UGT2A1: variants seen among roughly 807,000 people sequenced by gnomAD.
The protein encoded by UGT2A1 is UDP-glucuronosyltransferase 2A1.
In UGT2A1, 61 loss-of-function variants were observed where a neutral mutation model predicts 45.4. The observed-to-expected ratio is 1.34, with a 90% CI of 1.09 to 1.66. The LOEUF is 1.66. Among genes scored for constraint, UGT2A1 ranks in the 40% most tolerant of loss-of-function variants. UGT2A1 has a pLI of 0.00. For missense variants in UGT2A1, 649 were observed against 574.3 expected (o/e 1.13, Z -1.33); for synonymous variants, 229 against 196.2 (o/e 1.17, Z -1.40).
chr4:69,637,092 C>T (rs1342880172), intron 2 of UGT2A1, among the ~76,000 whole-genome samples: 1 of 152,044 alleles, frequency 6.6e-6, no homozygotes, highest in African/African-American at 2.4e-5. Context: ...TTGAGACATA[C>T]TCATGTGAAT....
chr4:69,606,742 A>C (rs1316827474), intron 3 of UGT2A1, among the ~76,000 whole-genome samples: 1 of 137,016 alleles, frequency 7.3e-6, no homozygotes, highest in African/African-American at 3.0e-5. Context: ...TACAAAATCA[A>C]TGTGCAAAAA....
chr4:69,601,755 A>T lies in UGT2A1; in HGVS notation c.848-2361T>A, dbSNP rs916344312. 2.2e-4 allele frequency among the ~76,000 whole-genome samples: 19 copies of T among 86,128 alleles called. 5 individuals carry two copies. The highest frequency in any genetic ancestry group is 7.5e-4 in the South Asian group (2 of 2,678). The allele number at this position is 86,128 out of a possible 152,430, so 56.5% of individuals were successfully genotyped here. A position where few individuals can be genotyped will look rare whatever the true frequency, so the allele number is the denominator to read the frequency against. On this transcript the variant is annotated intron_variant, in intron 3 of 6. Transcript: ENST00000286604. The stretch of plus-strand genomic sequence containing the variant: ...GCTGGTGCTGGTATCCACTGATGGG[A>T]GACTAGAGGACAGGTCATATCACTG...
At chr4:69,620,655 C>CA (rs57029226) in intron 3 of UGT2A1, among the ~76,000 whole-genome samples, 263 of 130,688 alleles carry the variant, frequency 2.0e-3, no homozygotes, top group African/African-American at 4.6e-3. Context: ...TATATGGAAC[C>CA]AAAAAAAAAA....
rs374546120 is a variant in UGT2A1 at position 69,589,680 on chromosome 4, A to G, written c.1305-29T>C. On this transcript the variant is annotated intron_variant, in intron 6 of 6. Transcript: ENST00000286604. ...GAAGACAAATAAATAGGCAGAAATTAGACAATTTTTGTTTTTATTTTCATT... is the reference window on the plus strand; with the variant it reads ...GAAGACAAATAAATAGGCAGAAATTGGACAATTTTTGTTTTTATTTTCATT... 4.7e-5 allele frequency: 73 copies of G among 1,567,858 alleles called. No homozygotes were observed. The African/African-American group carries it at 9.3e-4, about 20-fold the overall frequency.
chr4:69,639,692 T>C (rs2109970127), intron 2 of UGT2A1: 3 of 1,477,260 alleles, frequency 2.0e-6, no homozygotes, highest in African/African-American at 1.4e-5. Context: ...TATATTTAGG[T>C]CAATTTTTAA....
At chr4:69,606,154 C>T (rs1448871526) in intron 3 of UGT2A1, among the ~76,000 whole-genome samples, 1 of 136,370 alleles carries the variant, frequency 7.3e-6, no homozygotes, top group Non-Finnish European at 1.6e-5. Context: ...CCCTGATGAA[C>T]ATCGAGGCAA....
chr4:69,593,629 A>G (rs1291404644), intron 6 of UGT2A1, among the ~76,000 whole-genome samples: 1 of 151,696 alleles, frequency 6.6e-6, no homozygotes, highest in East Asian at 1.9e-4. Flanking sequence ...TCAATCTAAA[A>G]GCTGAATCAG....
At chr4:69,607,493 C>T (rs1015743774) in intron 3 of UGT2A1, among the ~76,000 whole-genome samples, 1 of 151,898 alleles carries the variant, frequency 6.6e-6, no homozygotes, top group African/African-American at 2.4e-5. Flanking sequence ...CAATACCATT[C>T]AGGACATAGG....
rs533446542 is a variant in UGT2A1, at chr4:69,634,275, C to G, written c.847+1416G>C. Reference sequence around the variant, plus strand: ...TCAAACAAAACAAAACAAAACAAAACAACAACAACAACAAAAACCCACAAC... The same window carrying G: ...TCAAACAAAACAAAACAAAACAAAAGAACAACAACAACAAAAACCCACAAC... On this transcript the variant is annotated intron_variant, in intron 3 of 6. Transcript: ENST00000286604. 3.4e-5 allele frequency among the ~76,000 whole-genome samples: 5 copies of G among 148,898 alleles called. No individual in the cohort carries two copies. The South Asian group carries it at 8.5e-4, about 25-fold the overall frequency.
At chr4:69,627,488 G>T (rs1393412324) in intron 3 of UGT2A1, among the ~76,000 whole-genome samples, 30 of 147,522 alleles carry the variant, frequency 2.0e-4, no homozygotes, top group Middle Eastern at 3.5e-3. Flanking sequence ...AGGCAGGCAG[G>T]CATGCAGGAA....
chr4:69,620,794 A>G (rs113350016), intron 3 of UGT2A1, among the ~76,000 whole-genome samples: 4,412 of 152,014 alleles, frequency 0.029, 215 homozygotes, highest in African/African-American at 0.1. Flanking sequence ...AAAAACAGAA[A>G]CATAGACAAA....
chr4:69,599,541 A>G (rs1719136499), intron 3 of UGT2A1, 147 bp from the exon 4 acceptor site: 1 of 1,141,270 alleles, frequency 8.8e-7, no homozygotes, highest in East Asian at 2.9e-5. Context: ...ATATATTAAG[A>G]AGAAGGAGAA....
chr4:69,598,777 A>C (rs150040807), intron 4 of UGT2A1, among the ~76,000 whole-genome samples: 61 of 152,248 alleles, frequency 4.0e-4, no homozygotes, highest in African/African-American at 1.3e-3. Context: ...CTCAAGATTA[A>C]AACCTAAGAG....
At chr4:69,640,801 A>T (rs1722011259) in intron 2 of UGT2A1, among the ~76,000 whole-genome samples, 1 of 151,808 alleles carries the variant, frequency 6.6e-6, no homozygotes, top group African/African-American at 2.4e-5. Context: ...TCTCAAGAAT[A>T]AGCCTCAATT....
intron 1 of UGT2A1, among the ~76,000 whole-genome samples, chr4:69,649,103 C>T (rs1311198258): frequency 6.6e-6 from 1 of 151,964 alleles, no homozygotes; most frequent in African/African-American, 2.4e-5. Context: ...GCAGAGTGAT[C>T]CTTTTCATGT....
At position 69,647,437 on chromosome 4, in the gene UGT2A1, T is replaced by G. The variant is rs369550516; in HGVS notation, c.208A>C (p.Thr70Pro). 6.2e-7 allele frequency: 1 copy of G among 1,612,816 alleles called. No individual in the cohort carries two copies. The highest frequency in any genetic ancestry group is 1.3e-5 in the African/African-American group (1 of 74,856). Reference protein sequence around the residue: ...FITPTSNPSLTFEIYKVPFGK... With the variant: ...FITPTSNPSLPFEIYKVPFGK... ...AAGGGCACCTTATATATTTCAAATG[T>G]CAGAGATGGGTTAGAGGTTGGTGTG... Residue 70 changes from threonine (T) to proline (P), a missense_variant, in exon 2 of 7, where the codon ACA becomes CCA. Transcript: ENST00000286604.
intron 3 of UGT2A1, among the ~76,000 whole-genome samples, chr4:69,619,420 CATAAA>C (rs146525091): frequency 1.4e-3 from 212 of 149,406 alleles, no homozygotes; most frequent in Non-Finnish European, 1.9e-3. Flanking sequence ...TACATAAATA[CATAAA>C]ATAAAATAAA....
At chr4:69,605,743 C>A (rs1461053388) in intron 3 of UGT2A1, among the ~76,000 whole-genome samples, 1 of 136,458 alleles carries the variant, frequency 7.3e-6, no homozygotes, top group Admixed American at 7.2e-5. Context: ...AAGGGGATAT[C>A]ACCACCGATC....
At chr4:69,600,119 A>G (rs1269126469) in intron 3 of UGT2A1, among the ~76,000 whole-genome samples, 5 of 152,202 alleles carry the variant, frequency 3.3e-5, no homozygotes, top group South Asian at 2.1e-4. Context: ...AGCCAGGTGA[A>G]AAACCATGAG....
Sources: allele counts gnomAD v4.1 joint callset (sites outside exome capture counted in the v4.1 genomes callset), GRCh38; gene constraint gnomAD v4.1.1; transcripts MANE v1.5; gene names NCBI Gene and HGNC (gene_info 2026-07-23, HGNC 2026-07-21).